The following UMAD1 variants were observed in gnomAD, a reference collection of about 807,000 sequenced individuals.
The protein encoded by UMAD1 is UBAP1-MVB12-associated (UMA)-domain containing protein 1.
UMAD1 carries 8 observed loss-of-function variants against 6.1 expected under a neutral mutation model. That is an observed-to-expected ratio of 1.30 (90% CI 0.76 to 2.35). The LOEUF is 2.35. UMAD1 is among the 30% of genes most tolerant of loss of function. The pLI, the probability that UMAD1 is intolerant of heterozygous loss-of-function variation, is 0.00. For missense variants in UMAD1, 130 were observed against 78.4 expected (o/e 1.66, Z -2.49); for synonymous variants, 56 against 31.4 (o/e 1.78, Z -2.61).
At chr7:7,749,766 C>G (rs1032736571) in intron 2 of UMAD1, among the ~76,000 whole-genome samples, 15 of 151,986 alleles carry the variant, frequency 9.9e-5, no homozygotes, top group African/African-American at 3.6e-4. Context: ...ATAAAAGGTG[C>G]TATAAATTGA....
At chr7:7,798,741 G>C (rs1170418154) in intron 2 of UMAD1, among the ~76,000 whole-genome samples, 1 of 152,138 alleles carries the variant, frequency 6.6e-6, no homozygotes, top group African/African-American at 2.4e-5. Context: ...AGAGTCCCCA[G>C]AGATGTCAAG....
At chr7:7,720,358 A>T (rs1781018601) in intron 2 of UMAD1, among the ~76,000 whole-genome samples, 1 of 151,970 alleles carries the variant, frequency 6.6e-6, no homozygotes, top group Non-Finnish European at 1.5e-5. Context: ...GAAGCGAATA[A>T]CCCTGGGCCT....
At chr7:7,783,404 T>G (rs114595603) in intron 2 of UMAD1, among the ~76,000 whole-genome samples, 1,599 of 152,294 alleles carry the variant, frequency 0.01, 23 homozygotes, top group African/African-American at 0.033. Flanking sequence ...TTGTTTTTTT[T>G]TTTTTTTCTA....
chr7:7,652,768 A>C (rs989934081), intron 1 of UMAD1, among the ~76,000 whole-genome samples: 5 of 152,238 alleles, frequency 3.3e-5, no homozygotes, highest in African/African-American at 1.2e-4. Flanking sequence ...CTGAGTGTTA[A>C]AAGAAGTTTG....
At chr7:7,759,119 A>G (rs117143229) in intron 2 of UMAD1, among the ~76,000 whole-genome samples, 2,476 of 152,274 alleles carry the variant, frequency 0.016, 41 homozygotes, top group Middle Eastern at 0.034. Flanking sequence ...TCACAGGCCC[A>G]TTAGTATATC....
At chr7:7,851,175 G>C (rs1349730456) in intron 3 of UMAD1, among the ~76,000 whole-genome samples, 1 of 151,980 alleles carries the variant, frequency 6.6e-6, no homozygotes, top group Non-Finnish European at 1.5e-5. Context: ...TTTGTGACTG[G>C]CTTCTTTCAG....
intron 2 of UMAD1, among the ~76,000 whole-genome samples, chr7:7,763,916 T>A (rs1190680950): frequency 1.3e-5 from 2 of 152,226 alleles, no homozygotes; most frequent in African/African-American, 4.8e-5. Context: ...AAATGAAGTA[T>A]GTCAACTAGT....
At chr7:7,760,834 C>T (rs1781874004) in intron 2 of UMAD1, among the ~76,000 whole-genome samples, 2 of 152,086 alleles carry the variant, frequency 1.3e-5, no homozygotes. Flanking sequence ...ATAACAGTAC[C>T]ACTGAAGATT....
chr7:7,849,665 G>A (rs1427845546), intron 3 of UMAD1, among the ~76,000 whole-genome samples: 1 of 152,104 alleles, frequency 6.6e-6, no homozygotes, highest in Non-Finnish European at 1.5e-5. Context: ...CCTGCCTCAT[G>A]GAGTTTACCA....
In UMAD1 at chr7:7,778,229, TGTGTGTGTGTG is replaced by T. The variant is rs1782260798; in HGVS notation, c.83-23440_83-23430del. 3.8e-4 allele frequency among the ~76,000 whole-genome samples: 10 copies of T among 26,172 alleles called. No homozygotes were observed. The Admixed American group carries it at 4.0e-3, about 10-fold the overall frequency. The allele number at this position is 26,172 out of a possible 152,430, so 17.2% of individuals were successfully genotyped here. On this transcript the variant is annotated intron_variant, in intron 2 of 3. Coordinates refer to ENST00000682710, the MANE Select transcript of UMAD1 (RefSeq NM_001302348.2). Reference sequence around the variant, plus strand: ...CTTGGCTTCTCCAAAACTGGTTTTGTGTGTGTGTGTGTGTGTGTGTGTGTGTGTGTGTGTGT... The same window carrying T: ...CTTGGCTTCTCCAAAACTGGTTTTGTTGTGTGTGTGTGTGTGTGTGTGTGT...
At chr7:7,670,075 C>T (rs980787472) in intron 1 of UMAD1, among the ~76,000 whole-genome samples, 1 of 152,148 alleles carries the variant, frequency 6.6e-6, no homozygotes, top group Non-Finnish European at 1.5e-5. Flanking sequence ...AAAATTTTAA[C>T]GTTTCACTTA....
At chr7:7,824,818 C>T (rs1783309242) in intron 3 of UMAD1, among the ~76,000 whole-genome samples, 1 of 152,080 alleles carries the variant, frequency 6.6e-6, no homozygotes, top group South Asian at 2.1e-4. Context: ...TTAAACTGGT[C>T]CTGTGTATTA....
At chr7:7,723,431 G>T (rs1781086158) in intron 2 of UMAD1, among the ~76,000 whole-genome samples, 2 of 152,120 alleles carry the variant, frequency 1.3e-5, no homozygotes, top group East Asian at 1.9e-4. Context: ...ATTAAAATAT[G>T]GCCCACTATG....
At chr7:7,871,296 G>A (rs1784327329) in intron 3 of UMAD1, among the ~76,000 whole-genome samples, 1 of 152,090 alleles carries the variant, frequency 6.6e-6, no homozygotes, top group Non-Finnish European at 1.5e-5. Context: ...TTCTAATGCT[G>A]TACCCTAAAA....
In UMAD1 at chr7:7,706,414, A is replaced by C. The variant is rs768395493; in HGVS notation, c.82+32961A>C. On this transcript the variant is annotated intron_variant, in intron 2 of 3. Transcript: ENST00000682710. Reference sequence around the variant, plus strand: ...GAAGTTCAGGAAATACCAACAGAGCATGGGAACTGTACTAGGTTCAGTGAT... The same window carrying C: ...GAAGTTCAGGAAATACCAACAGAGCCTGGGAACTGTACTAGGTTCAGTGAT... Among the ~76,000 whole-genome samples, 5 of 152,306 alleles carry C rather than the reference A, an allele frequency of 3.3e-5. No homozygotes were observed. The East Asian group carries it at 9.6e-4, about 29-fold the overall frequency.
chr7:7,791,207 AT>A (rs1351395181), intron 2 of UMAD1, among the ~76,000 whole-genome samples: 8 of 152,062 alleles, frequency 5.3e-5, no homozygotes, highest in African/African-American at 1.9e-4. Context: ...TTTATTTTCT[AT>A]TTACATATTT....
intron 2 of UMAD1, among the ~76,000 whole-genome samples, chr7:7,741,809 T>G (rs1290413657): frequency 6.6e-6 from 1 of 151,942 alleles, no homozygotes; most frequent in East Asian, 1.9e-4. Context: ...TTCTTCATCC[T>G]TGTAAAACTT....
chr7:7,759,155 G>A (rs1781837982), intron 2 of UMAD1, among the ~76,000 whole-genome samples: 1 of 152,076 alleles, frequency 6.6e-6, no homozygotes, highest in African/African-American at 2.4e-5. Flanking sequence ...GCCGGATATG[G>A]ATTTTACTCT....
At chr7:7,659,665 A>G (rs550997389) in intron 1 of UMAD1, among the ~76,000 whole-genome samples, 4 of 152,304 alleles carry the variant, frequency 2.6e-5, no homozygotes, top group African/African-American at 9.6e-5. Flanking sequence ...CTGTGGTCTG[A>G]GAGACTGTTA....
Sources: gnomAD v4.1 joint callset for allele counts (sites outside exome capture counted in the v4.1 genomes callset) on GRCh38, gnomAD v4.1.1 for gene constraint, MANE v1.5 for transcripts, NCBI Gene and HGNC (gene_info 2026-07-23, HGNC 2026-07-21) for gene names.